The following NCBP3 variants were observed in gnomAD, a reference collection of about 807,000 sequenced individuals.
NCBP3 encodes the protein nuclear cap binding subunit 3.
Under a neutral mutation model 75.7 loss-of-function variants are expected in NCBP3, and 20 were observed. That is an observed-to-expected ratio of 0.26 (90% CI 0.19 to 0.38). NCBP3 has a LOEUF of 0.38. Ranked by LOEUF, NCBP3 falls within the 10% of genes least tolerant of loss-of-function variation. The probability of loss-of-function intolerance (pLI) is 1.00; values close to 1 mark genes in which losing one functional copy is unlikely to be tolerated. For missense variants in NCBP3, 678 were observed against 796.9 expected (o/e 0.85, Z 1.80); for synonymous variants, 293 against 290.5 (o/e 1.01, Z -0.09).
intron 4 of NCBP3, among the ~76,000 whole-genome samples, chr17:3,826,697 A>AAGGAAGGAAGGAAGGAAGGC (rs2053791498): frequency 7.6e-6 from 1 of 131,420 alleles, no homozygotes; most frequent in Non-Finnish European, 1.6e-5. Context: ...ACAGAAAGAG[A>AAGGAAGGAAGGAAGGAAGGC]AGGAAGGAAG....
At chr17:3,819,547 A>G (rs2053621578) in intron 9 of NCBP3, among the ~76,000 whole-genome samples, 1 of 149,738 alleles carries the variant, frequency 6.7e-6, no homozygotes, top group African/African-American at 2.5e-5. Flanking sequence ...GCAACAGAGC[A>G]AGACTCTGTC....
At chr17:3,838,472 A>G (rs2054013011) in intron 3 of NCBP3, among the ~76,000 whole-genome samples, 1 of 152,232 alleles carries the variant, frequency 6.6e-6, no homozygotes, top group African/African-American at 2.4e-5. Flanking sequence ...AACCCCGCCC[A>G]TGAGGGAAGC....
Position 3,812,087 on chromosome 17 carries a change from AACAG to A in NCBP3, c.*953_*956del, listed in dbSNP as rs1364043265. 2.6e-5 allele frequency: 4 copies of A among 152,216 alleles called. No individual in the cohort carries two copies. The highest frequency in any genetic ancestry group is 5.9e-5 in the Non-Finnish European group (4 of 68,056). The allele number at this position is 152,216 out of a possible 1,614,324, so 9.4% of individuals were successfully genotyped here. A position where few individuals can be genotyped will look rare whatever the true frequency, so the allele number is the denominator to read the frequency against. ...AAAAAACAAGCTGAACTCTATGTAC[AACAG>A]ACAGACTATACAACTAGGAGCATTT... On this transcript the variant is annotated 3_prime_UTR_variant, in exon 13 of 13. Coordinates refer to ENST00000389005, the MANE Select transcript of NCBP3 (RefSeq NM_001114118.3).
At chr17:3,814,067 C>A (rs148476761) in intron 12 of NCBP3, among the ~76,000 whole-genome samples, 31 of 152,270 alleles carry the variant, frequency 2.0e-4, no homozygotes, top group African/African-American at 6.3e-4. Context: ...CAGAATAGCT[C>A]ACATGAAACT....
chr17:3,843,509 CAT>C (rs953372038), intron 1 of NCBP3, among the ~76,000 whole-genome samples: 2 of 152,208 alleles, frequency 1.3e-5, no homozygotes, highest in African/African-American at 4.8e-5. Flanking sequence ...GTTAGGATCA[CAT>C]GTGTGAGTCA....
At chr17:3,843,342 C>A (rs564608235) in intron 1 of NCBP3, among the ~76,000 whole-genome samples, 191 bp from the exon 2 acceptor site, 1 of 151,774 alleles carries the variant, frequency 6.6e-6, no homozygotes, top group East Asian at 1.9e-4. Flanking sequence ...ACTCCCCAGG[C>A]TCACGCCATC....
intron 2 of NCBP3, among the ~76,000 whole-genome samples, chr17:3,842,646 A>G (rs2054086208): frequency 6.6e-6 from 1 of 152,202 alleles, no homozygotes; most frequent in South Asian, 2.1e-4. Context: ...TTCAGGATGC[A>G]TGAAGACATC....
At chr17:3,829,438 C>T in intron 3 of NCBP3, 70 bp from the exon 4 acceptor site, 1 of 1,500,832 alleles carries the variant, frequency 6.7e-7, no homozygotes. Context: ...ATCCACACTC[C>T]TTCCTAATAG....
At chr17:3,829,512 C>T (rs561656675) in intron 3 of NCBP3, 144 bp from the exon 4 acceptor site, 54 of 906,546 alleles carry the variant, frequency 6.0e-5, no homozygotes, top group Admixed American at 4.6e-4. Flanking sequence ...CAAAAGAGCA[C>T]GAGACATAAC....
Position 3,812,600 on chromosome 17 carries a change from T to A in NCBP3, c.*444A>T, listed in dbSNP as rs995797368. On this transcript the variant is annotated 3_prime_UTR_variant, in exon 13 of 13. Coordinates refer to ENST00000389005, the MANE Select transcript of NCBP3 (RefSeq NM_001114118.3). ...TTCCCTCCTCTTCCCCCTCGAAGGA[T>A]GTCCAATAAGCACCTGGGAATTGAC... The A allele has an allele frequency of 2.0e-6, 2 of 1,011,834 alleles. No individual in the cohort carries two copies. The highest frequency in any genetic ancestry group is 2.4e-6 in the Non-Finnish European group (2 of 845,780). 62.7% of individuals were successfully genotyped at this position (1,011,834 alleles called of 1,614,324 possible).
Position 3,836,654 on chromosome 17 carries a change from C to CAAA in NCBP3, c.355+3443_355+3445dup, listed in dbSNP as rs56253811. Among the ~76,000 whole-genome samples the CAAA allele has an allele frequency of 9.8e-4, 88 of 90,242 alleles. 2 individuals are homozygous for CAAA. The highest frequency in any genetic ancestry group is 3.6e-3 in the African/African-American group (85 of 23,388). The allele number at this position is 90,242 out of a possible 152,430, so 59.2% of individuals were successfully genotyped here. A position where few individuals can be genotyped will look rare whatever the true frequency, so the allele number is the denominator to read the frequency against. ...GGCAACAGAGTGAGACTCCGTCTCTCAAAAAAAAAAAAAAAAAAAAGAATT... is the reference window on the plus strand; with the variant it reads ...GGCAACAGAGTGAGACTCCGTCTCTCAAAAAAAAAAAAAAAAAAAAAAAGAATT... On this transcript the variant is annotated intron_variant, in intron 3 of 12. Transcript: ENST00000389005.
chr17:3,829,307 T>C lies in NCBP3; in HGVS notation c.417A>G (p.Gln139=). The C allele has an allele frequency of 6.4e-7, 1 of 1,551,764 alleles. No homozygotes were observed. The highest frequency in any genetic ancestry group is 8.7e-7 in the Non-Finnish European group (1 of 1,146,970). The change falls in exon 4 of 13, where the codon CAA becomes CAG. Residue 139 remains glutamine (Q), a synonymous_variant. Transcript: ENST00000389005. Reference sequence around the variant, plus strand: ...ATTCTTTAAAATAGGAAAAGACATCTTGGGTGCTCATCTCATCTACTCCGC... The same window carrying C: ...ATTCTTTAAAATAGGAAAAGACATCCTGGGTGCTCATCTCATCTACTCCGC... ...YICGVDEMST[Q]DVFSYFKEYP...
chr17:3,814,109 G>A (rs2053479321), intron 12 of NCBP3, among the ~76,000 whole-genome samples: 2 of 152,214 alleles, frequency 1.3e-5, no homozygotes, highest in African/African-American at 2.4e-5. Context: ...AAAGAGCCAG[G>A]AGTGTGCTAT....
chr17:3,835,124 A>AG (rs777726664), intron 3 of NCBP3, among the ~76,000 whole-genome samples: 53 of 152,364 alleles, frequency 3.5e-4, no homozygotes, highest in African/African-American at 8.9e-4. Flanking sequence ...TGAAAGGTAG[A>AG]GTTACGATGA....
chr17:3,812,428 G>GC lies in NCBP3; in HGVS notation c.*615dup. The GC allele has an allele frequency of 1.3e-6, 1 of 788,806 alleles. No individual in the cohort carries two copies. The highest frequency in any genetic ancestry group is 1.9e-5 in the African/African-American group (1 of 53,512). 48.9% of individuals were successfully genotyped at this position (788,806 alleles called of 1,614,324 possible). A position where few individuals can be genotyped will look rare whatever the true frequency, so the allele number is the denominator to read the frequency against. ...ACATCAAGCTGACAGCACGTAAGAG[G>GC]CCCATGCCATGAGCAATCCCCGAGG... On this transcript the variant is annotated 3_prime_UTR_variant, in exon 13 of 13. Coordinates refer to ENST00000389005, the MANE Select transcript of NCBP3 (RefSeq NM_001114118.3).
intron 9 of NCBP3, among the ~76,000 whole-genome samples, chr17:3,820,481 A>G (rs73974131): frequency 0.042 from 6,345 of 152,276 alleles, 461 homozygotes; most frequent in African/African-American, 0.15. Flanking sequence ...TTTTACAATA[A>G]GCACCAAAAA....
intron 7 of NCBP3, among the ~76,000 whole-genome samples, chr17:3,823,527 G>A (rs1474547968): frequency 6.6e-6 from 1 of 152,162 alleles, no homozygotes; most frequent in African/African-American, 2.4e-5. Context: ...AAGCTCTGAT[G>A]AGCAAGAGGC....
Position 3,810,304 on chromosome 17 carries a change from GACT to G in NCBP3, c.*2737_*2739del, listed in dbSNP as rs2053389308. 6.6e-6 allele frequency: 1 copy of G among 152,252 alleles called. No individual in the cohort carries two copies. 9.4% of individuals were successfully genotyped at this position (152,252 alleles called of 1,614,324 possible). ...GAACGGAGAGGGGTTCACAGGATCA[GACT>G]ACAAGGGGGCCAGAGGAGGAGACTA... On this transcript the variant is annotated 3_prime_UTR_variant, in exon 13 of 13. Transcript: ENST00000389005.
At chr17:3,815,587 T>G (rs2053515221) in intron 11 of NCBP3, among the ~76,000 whole-genome samples, 2 of 152,226 alleles carry the variant, frequency 1.3e-5, no homozygotes. Context: ...TGGTTGGCCC[T>G]CCTCATCCAT....
Sources: gnomAD v4.1 joint callset for allele counts (sites outside exome capture counted in the v4.1 genomes callset) on GRCh38, gnomAD v4.1.1 for gene constraint, MANE v1.5 for transcripts, NCBI Gene and HGNC (gene_info 2026-07-23, HGNC 2026-07-21) for gene names.